STMND1: variants seen among roughly 807,000 people sequenced by gnomAD.
STMND1 encodes stathmin domain-containing protein 1.
STMND1 carries 17 observed loss-of-function variants against 23.0 expected under a neutral mutation model. That is an observed-to-expected ratio of 0.74 (90% CI 0.51 to 1.11). The LOEUF (loss-of-function observed/expected upper bound fraction) is 1.11, where lower values mean the gene tolerates loss of function less well. Among genes scored for constraint, STMND1 ranks in the 50% least tolerant of loss-of-function variants. The pLI is 0.00. For synonymous variants in STMND1, 114 were observed against 119.9 expected, an observed-to-expected ratio of 0.95 and a Z score of 0.32; for missense variants, 305 against 329.1, an observed-to-expected ratio of 0.93 and a Z score of 0.57.
chr6:17,102,154 G>T lies in STMND1; in HGVS notation c.-104G>T, dbSNP rs921648030. ...GAGCGCAGTAGCAGGGGCGTAGGGC[G>T]CAGGGCGCAGGAGCGCGGGACCACC... On this transcript the variant is annotated 5_prime_UTR_variant, in exon 1 of 5. Transcript: ENST00000536551. The T allele has an allele frequency of 7.7e-5, 91 of 1,184,712 alleles. 2 individuals are homozygous for T. In the South Asian group the frequency reaches 1.1e-3, roughly 14 times the overall value. The allele number at this position is 1,184,712 out of a possible 1,614,324, so 73.4% of individuals were successfully genotyped here.
chr6:17,129,520 T>C (rs1436493387), intron 4 of STMND1, among the ~76,000 whole-genome samples: 1 of 150,100 alleles, frequency 6.7e-6, no homozygotes, highest in African/African-American at 2.5e-5. Context: ...TACAGGCCCA[T>C]ACCACTACAT....
intron 1 of STMND1, chr6:17,110,667 C>G (rs1761085350): frequency 5.4e-6 from 2 of 368,692 alleles, no homozygotes; most frequent in Non-Finnish European, 1.1e-5. Flanking sequence ...ACTCAGAAGG[C>G]TGAGGCAGGA....
intron 1 of STMND1, among the ~76,000 whole-genome samples, chr6:17,113,710 C>T (rs1236726197): frequency 6.6e-6 from 1 of 151,356 alleles, no homozygotes; most frequent in Non-Finnish European, 1.5e-5. Context: ...TCCAGAGATC[C>T]TCCCTCCCCA....
chr6:17,129,314 T>C, intron 4 of STMND1, 71 bp downstream of exon 4: 1 of 1,451,126 alleles, frequency 6.9e-7, no homozygotes, highest in Non-Finnish European at 9.1e-7. Flanking sequence ...CCCAGAGCTT[T>C]CCTATCAGCA....
At chr6:17,114,561 C>G (rs576004000) in intron 1 of STMND1, among the ~76,000 whole-genome samples, 32 of 152,084 alleles carry the variant, frequency 2.1e-4, no homozygotes, top group African/African-American at 7.2e-4. Flanking sequence ...CCACTGCGCC[C>G]GGCCACATTA....
chr6:17,112,956 T>C (rs1171960092), intron 1 of STMND1, among the ~76,000 whole-genome samples: 1 of 152,230 alleles, frequency 6.6e-6, no homozygotes, highest in African/African-American at 2.4e-5. Flanking sequence ...GTTTTCATTA[T>C]AGTTATCCTA....
intron 1 of STMND1, among the ~76,000 whole-genome samples, chr6:17,108,622 C>T (rs1761056051): frequency 6.6e-6 from 1 of 151,950 alleles, no homozygotes; most frequent in African/African-American, 2.4e-5. Flanking sequence ...ACATGACTTA[C>T]GTGATGTGCA....
chr6:17,115,051 C>G lies in STMND1; in HGVS notation c.171C>G (p.Gly57=). The G allele has an allele frequency of 6.5e-7, 1 of 1,535,920 alleles. No individual in the cohort carries two copies. The highest frequency in any genetic ancestry group is 1.4e-5 in the African/African-American group (1 of 73,140). The change falls in exon 2 of 5, where the codon GGC becomes GGG. Residue 57 remains glycine (G), a synonymous_variant. Transcript: ENST00000536551. The part of the protein sequence containing the change: ...LTKNTVDIAE[G]LEQVQMGSLP... ...AGAATACTGTGGACATTGCAGAAGG[C>G]CTGGAACAAGTCCAGATGGGAAGCT...
intron 3 of STMND1, among the ~76,000 whole-genome samples, chr6:17,123,223 T>C (rs149612263): frequency 2.7e-4 from 41 of 152,244 alleles, no homozygotes; most frequent in African/African-American, 9.6e-4. Context: ...AAATAATAAC[T>C]GTGGGCTGGA....
intron 1 of STMND1, among the ~76,000 whole-genome samples, chr6:17,107,412 A>T (rs576169274): frequency 1.4e-4 from 13 of 95,824 alleles, no homozygotes; most frequent in African/African-American, 4.2e-4. Context: ...TAAAATTGAT[A>T]AAAAAATTTA....
chr6:17,112,470 G>A (rs903446115), intron 1 of STMND1, among the ~76,000 whole-genome samples: 9 of 152,004 alleles, frequency 5.9e-5, no homozygotes, highest in African/African-American at 2.2e-4. Flanking sequence ...TTTTGCTTGG[G>A]TACATACTTA....
Position 17,102,188 on chromosome 6 carries a change from A to G in STMND1, c.-70A>G. On this transcript the variant is annotated 5_prime_UTR_variant, in exon 1 of 5. Transcript: ENST00000536551. ...AGGAGCGCGGGACCACCGGCGCCGGAGCGCGGCAGGGAGCGCTCGCGGGGG... is the reference window on the plus strand; with the variant it reads ...AGGAGCGCGGGACCACCGGCGCCGGGGCGCGGCAGGGAGCGCTCGCGGGGG... 1.4e-6 allele frequency: 2 copies of G among 1,416,650 alleles called. No individual in the cohort carries two copies. The highest frequency in any genetic ancestry group is 1.8e-6 in the Non-Finnish European group (2 of 1,091,034). The allele number at this position is 1,416,650 out of a possible 1,614,324, so 87.8% of individuals were successfully genotyped here.
At chr6:17,121,157 T>C (rs1305074859) in intron 3 of STMND1, among the ~76,000 whole-genome samples, 1 of 152,224 alleles carries the variant, frequency 6.6e-6, no homozygotes, top group African/African-American at 2.4e-5. Flanking sequence ...CCTTCCACCA[T>C]GATTGTAAGT....
intron 2 of STMND1, 97 bp downstream of exon 2, chr6:17,115,236 T>C: frequency 8.2e-7 from 1 of 1,213,730 alleles, no homozygotes. Context: ...TTATCATTGC[T>C]TTCTGGGCCA....
At chr6:17,105,064 C>T (rs2113470803) in intron 1 of STMND1, among the ~76,000 whole-genome samples, 1 of 152,188 alleles carries the variant, frequency 6.6e-6, no homozygotes, top group South Asian at 2.1e-4. Flanking sequence ...ATAGCATTAA[C>T]ATTGTTTTAG....
In STMND1 at chr6:17,120,727, T is replaced by C. The variant is rs1761221785; in HGVS notation, c.380T>C (p.Val127Ala). The C allele has an allele frequency of 6.5e-7, 1 of 1,532,092 alleles. No homozygotes were observed. The highest frequency in any genetic ancestry group is 1.4e-5 in the African/African-American group (1 of 72,774). The allele number at this position is 1,532,092 out of a possible 1,614,324, so 94.9% of individuals were successfully genotyped here. Reference protein sequence around the residue: ...VQGIIQSHSKVFRNGESYDVT... With the variant: ...VQGIIQSHSKAFRNGESYDVT... ...GGAATTATACAAAGCCACAGCAAAG[T>C]ATTTAGAAATGGAGAATCATATGAT... The change falls in exon 3 of 5, where the codon GTA (valine) becomes GCA (alanine). Residue 127 changes from valine to alanine, a missense_variant. By Grantham distance (64) the Val-to-Ala change is moderately conservative. Transcript: ENST00000536551.
chr6:17,130,429 G>A (rs1470316960), intron 4 of STMND1, among the ~76,000 whole-genome samples, 165 bp from the exon 5 acceptor site: 2 of 152,162 alleles, frequency 1.3e-5, no homozygotes, highest in African/African-American at 4.8e-5. Context: ...CTCCATGAGG[G>A]CAGGCCCCGT....
intron 2 of STMND1, among the ~76,000 whole-genome samples, chr6:17,118,729 C>T (rs1020323707): frequency 2.6e-5 from 4 of 152,154 alleles, no homozygotes; most frequent in Non-Finnish European, 5.9e-5. Flanking sequence ...GCTTACATGA[C>T]CTATTTGGGA....
rs1184533898 is a variant in STMND1, at chr6:17,130,762, T to C, written c.712T>C (p.Leu238=). The change falls in exon 5 of 5, where the codon TTG becomes CTG. Residue 238 remains leucine (L), a synonymous_variant. Coordinates refer to ENST00000536551, the MANE Select transcript of STMND1 (RefSeq NM_001190766.2). ...ATCTGACCTGCAGGGAGGAAAACCA[T>C]TGAAGAGGAAGAAGAGTAAATGTGA... ...EPSDLQGGKP[L]KRKKSKCDAT... The C allele has an allele frequency of 4.6e-6, 7 of 1,535,834 alleles. No individual in the cohort carries two copies. The highest frequency in any genetic ancestry group is 1.2e-5 in the South Asian group (1 of 84,054).
Sources: gnomAD v4.1 joint callset for allele counts (sites outside exome capture counted in the v4.1 genomes callset) on GRCh38, gnomAD v4.1.1 for gene constraint, MANE v1.5 for transcripts, NCBI Gene and HGNC (gene_info 2026-07-23, HGNC 2026-07-21) for gene names.